Variants in NWD2 observed in about 807,000 individuals in gnomAD.
NWD2 encodes the protein NACHT and WD repeat domain containing 2.
Under a neutral mutation model 132.7 loss-of-function variants are expected in NWD2, and 37 were observed. The observed-to-expected ratio is 0.28, with a 90% confidence interval of 0.21 to 0.37. The LOEUF is 0.37. NWD2 is among the 10% of genes least tolerant of loss of function. The probability of loss-of-function intolerance (pLI) is 1.00; values close to 1 mark genes in which losing one functional copy is unlikely to be tolerated. For missense variants in NWD2, 1,592 were observed against 2,122.4 expected, an observed-to-expected ratio of 0.75 and a Z score of 4.91; for synonymous variants, 705 against 803.0, an observed-to-expected ratio of 0.88 and a Z score of 2.06.
chr4:37,362,644 C>A (rs1301953596), intron 3 of NWD2, among the ~76,000 whole-genome samples: 2 of 152,094 alleles, frequency 1.3e-5, no homozygotes, highest in Non-Finnish European at 2.9e-5. Flanking sequence ...GGACCCCTAT[C>A]CTTCACCATA....
chr4:37,390,409 A>ATGCTT (rs3064358), intron 3 of NWD2, among the ~76,000 whole-genome samples: 3 of 150,004 alleles, frequency 2.0e-5, no homozygotes, highest in Admixed American at 6.6e-5. Context: ...ATAATCTGAA[A>ATGCTT]TTTTTTTTTT....
chr4:37,258,995 C>A (rs1194403566), intron 1 of NWD2, among the ~76,000 whole-genome samples: 1 of 152,210 alleles, frequency 6.6e-6, no homozygotes, highest in Admixed American at 6.5e-5. Flanking sequence ...CCTCTTAACA[C>A]TCCACGGACC....
intron 3 of NWD2, among the ~76,000 whole-genome samples, chr4:37,399,400 G>T (rs1411125231): frequency 6.6e-6 from 1 of 152,184 alleles, no homozygotes; most frequent in Non-Finnish European, 1.5e-5. Flanking sequence ...GTTAAGATAA[G>T]TATTTTTAAA....
intron 2 of NWD2, among the ~76,000 whole-genome samples, chr4:37,349,320 T>C (rs1252899685): frequency 3.3e-5 from 5 of 152,216 alleles, no homozygotes; most frequent in African/African-American, 1.2e-4. Flanking sequence ...GCGTTCTGAC[T>C]TTTCCACATC....
chr4:37,324,142 CT>C (rs1016451297), intron 1 of NWD2, among the ~76,000 whole-genome samples: 22 of 152,028 alleles, frequency 1.4e-4, no homozygotes, highest in African/African-American at 5.1e-4. Flanking sequence ...CATGTACCCC[CT>C]GTGTCTAAAA....
rs557580112 is a variant in NWD2, at chr4:37,446,567, C to A, written c.4579C>A (p.Leu1527Met). The A allele has an allele frequency of 8.4e-6, 13 of 1,551,622 alleles. No homozygotes were observed. In the East Asian group the frequency reaches 2.9e-4, roughly 35 times the overall value. ...ACTTCCAAACAACTTCTTGAAAAAT[C>A]TGGAGGACTTTGAAATTTCTCCCAA... The part of the protein sequence containing the change: ...VQLPNNFLKN[L>M]EDFEISPNGK... The change falls in exon 7 of 7, where the codon CTG (leucine) becomes ATG (methionine). Residue 1527 changes from leucine (L) to methionine (M), a missense_variant. Around this residue, in one of 7 missense-constraint regions of NWD2, gnomAD observed 257 missense variants for 335.0 expected, o/e 0.77. Transcript: ENST00000309447. The surrounding 1 kb of genome is among the most constrained non-coding windows in gnomAD (Gnocchi z 6.7).
intron 1 of NWD2, among the ~76,000 whole-genome samples, chr4:37,310,580 G>A (rs917472914): frequency 4.9e-5 from 2 of 40,524 alleles, no homozygotes; most frequent in Non-Finnish European, 1.0e-4. Context: ...TTAGTTGTAG[G>A]TGGAAAACAT....
At chr4:37,328,402 C>T (rs1298181818) in intron 2 of NWD2, among the ~76,000 whole-genome samples, 1 of 152,062 alleles carries the variant, frequency 6.6e-6, no homozygotes, top group African/African-American at 2.4e-5. Flanking sequence ...CCTAGCCCCC[C>T]ACCCCCAGCA....
chr4:37,360,315 G>A (rs1245663300), intron 3 of NWD2, among the ~76,000 whole-genome samples: 5 of 151,976 alleles, frequency 3.3e-5, no homozygotes, highest in Non-Finnish European at 7.4e-5. Flanking sequence ...ATTTATATTA[G>A]GCATTTATGT....
At chr4:37,375,053 AC>A (rs902025931) in intron 3 of NWD2, among the ~76,000 whole-genome samples, 2 of 152,220 alleles carry the variant, frequency 1.3e-5, no homozygotes, top group Non-Finnish European at 2.9e-5. Context: ...TGCTTCCAAA[AC>A]ATGGGCAAGG....
chr4:37,257,996 TTCAC>T (rs1282881500), intron 1 of NWD2, among the ~76,000 whole-genome samples: 1 of 152,242 alleles, frequency 6.6e-6, no homozygotes, highest in Non-Finnish European at 1.5e-5. Flanking sequence ...AATTATTTCT[TTCAC>T]TCAAAGAATT....
intron 1 of NWD2, among the ~76,000 whole-genome samples, chr4:37,300,554 G>GTC (rs1718593286): frequency 6.6e-6 from 1 of 152,042 alleles, no homozygotes; most frequent in Non-Finnish European, 1.5e-5. Flanking sequence ...AAACTCTGAA[G>GTC]TCACCAATTT....
intron 3 of NWD2, among the ~76,000 whole-genome samples, chr4:37,383,440 G>A (rs1379803276): frequency 1.3e-5 from 2 of 152,078 alleles, no homozygotes; most frequent in Non-Finnish European, 2.9e-5. Context: ...ATCCCACCTG[G>A]GTAATATTCT....
At chr4:37,307,021 CAAAAA>C (rs749143872) in intron 1 of NWD2, among the ~76,000 whole-genome samples, 1 of 104,298 alleles carries the variant, frequency 9.6e-6, no homozygotes, top group Non-Finnish European at 2.1e-5. Flanking sequence ...GAGACTCCAT[CAAAAA>C]AAAAAAAAAA....
intron 1 of NWD2, among the ~76,000 whole-genome samples, chr4:37,277,468 C>G (rs930249951): frequency 6.6e-6 from 1 of 151,906 alleles, no homozygotes; most frequent in African/African-American, 2.4e-5. Flanking sequence ...CTTGGCTCTT[C>G]AGATTGAATA....
chr4:37,324,277 CTTA>C (rs934496889), intron 1 of NWD2, among the ~76,000 whole-genome samples: 37 of 152,132 alleles, frequency 2.4e-4, no homozygotes, highest in African/African-American at 8.2e-4. Context: ...GTTTCTGTTT[CTTA>C]TATTATTACA....
At chr4:37,328,987 C>T (rs935992198) in intron 2 of NWD2, among the ~76,000 whole-genome samples, 3 of 151,948 alleles carry the variant, frequency 2.0e-5, no homozygotes, top group African/African-American at 7.3e-5. Flanking sequence ...GTCCTATAGT[C>T]CCTGGCACAT....
chr4:37,345,996 C>A (rs1027105797), intron 2 of NWD2, among the ~76,000 whole-genome samples: 1 of 151,174 alleles, frequency 6.6e-6, no homozygotes, highest in Non-Finnish European at 1.5e-5. Flanking sequence ...CAGGGAGAAT[C>A]GCTTGAACCT....
intron 2 of NWD2, among the ~76,000 whole-genome samples, chr4:37,338,519 A>G (rs1400070368): frequency 1.3e-5 from 2 of 152,386 alleles, no homozygotes; most frequent in South Asian, 2.1e-4. Flanking sequence ...GAATAGAACT[A>G]AAAGTTCACT....
Sources: gnomAD v4.1 joint callset for allele counts (sites outside exome capture counted in the v4.1 genomes callset) on GRCh38, gnomAD v4.1.1 for gene constraint, gnomAD v4.1.1 regional missense constraint, Gnocchi (gnomAD v3.1) non-coding constraint, MANE v1.5 for transcripts, NCBI Gene and HGNC (gene_info 2026-07-23, HGNC 2026-07-21) for gene names.